Variants in TOP1MT observed in about 807,000 individuals in gnomAD.
TOP1MT encodes the protein DNA topoisomerase I, mitochondrial.
TOP1MT carries 80 observed loss-of-function variants against 73.9 expected under a neutral mutation model. The ratio of observed to expected loss-of-function variants is 1.08; its 90% confidence interval spans 0.90 to 1.30. TOP1MT has a LOEUF of 1.30. Among genes scored for constraint, TOP1MT ranks in the 50% most tolerant of loss-of-function variants. The probability of loss-of-function intolerance (pLI) is 0.00; values close to 1 mark genes in which losing one functional copy is unlikely to be tolerated. For synonymous variants in TOP1MT, 338 were observed against 326.4 expected, an observed-to-expected ratio of 1.04 and a Z score of -0.38; for missense variants, 815 against 808.0, an observed-to-expected ratio of 1.01 and a Z score of -0.10.
upstream of TOP1MT, among the ~76,000 whole-genome samples, chr8:143,357,268 G>A (rs1817427632): frequency 6.6e-6 from 1 of 151,462 alleles, no homozygotes; most frequent in Non-Finnish European, 1.5e-5. Context: ...AGAAGAATTA[G>A]CCAGCACAAT....
chr8:143,317,475 A>C (rs1816200359), intron 10 of TOP1MT, among the ~76,000 whole-genome samples: 1 of 152,218 alleles, frequency 6.6e-6, no homozygotes, highest in Non-Finnish European at 1.5e-5. Flanking sequence ...AGTAGGGCTC[A>C]GCAGTAGGGG....
intron 10 of TOP1MT, among the ~76,000 whole-genome samples, chr8:143,317,088 C>T (rs1192843924): frequency 2.0e-5 from 3 of 152,366 alleles, no homozygotes; most frequent in South Asian, 2.1e-4. Context: ...CACCCAGCCT[C>T]GGCGCCTCCT....
chr8:143,339,438 C>T (rs982215060), upstream of TOP1MT, among the ~76,000 whole-genome samples: 17 of 152,110 alleles, frequency 1.1e-4, no homozygotes, highest in Admixed American at 3.3e-4. Context: ...GACCTTGGCC[C>T]GGTTACTTAA....
At chr8:143,321,926 T>TGCACGCCACACACGCACGCCACACAC (rs1172248485) in intron 7 of TOP1MT, among the ~76,000 whole-genome samples, 1 of 8,096 alleles carries the variant, frequency 1.2e-4, no homozygotes. Flanking sequence ...GCCACACACA[T>TGCACGCCACACACGCACGCCACACAC]GCACGCCACA....
intron 7 of TOP1MT, among the ~76,000 whole-genome samples, chr8:143,321,969 C>CACG (rs1816425057): frequency 2.6e-5 from 2 of 77,982 alleles, no homozygotes; most frequent in Non-Finnish European, 5.7e-5. Context: ...CACACACATG[C>CACG]TCACCACACG....
chr8:143,326,315 G>C lies in TOP1MT; in HGVS notation c.390C>G (p.Ile130Met). The C allele has an allele frequency of 2.5e-6, 4 of 1,614,024 alleles. No individual in the cohort carries two copies. Among genetic ancestry groups the C allele is most frequent in the Non-Finnish European group, 3.4e-6 (4 of 1,180,000 alleles). The change falls in exon 4 of 14, where the codon ATC becomes ATG. Residue 130 changes from isoleucine (I) to methionine (M), a missense_variant. Ile to Met is a conservative substitution (Grantham distance 10). This residue lies in a region of TOP1MT where 751 missense variants were observed against 725.4 expected (regional missense o/e 1.04). Coordinates refer to ENST00000329245, the MANE Select transcript of TOP1MT (RefSeq NM_052963.3). Reference protein sequence around the residue: ...KEMAVEEREVIKSLDKCDFTE... With the variant: ...KEMAVEEREVMKSLDKCDFTE... The stretch of plus-strand genomic sequence containing the variant: ...TGAAGTCACACTTGTCCAGGCTCTT[G>C]ATGACTTCCCTCTCTTCCACCGCCA...
At chr8:143,353,183 A>G (rs191745696) in intron 1 of TOP1MT, among the ~76,000 whole-genome samples, 2 of 152,250 alleles carry the variant, frequency 1.3e-5, no homozygotes, top group East Asian at 1.9e-4. Context: ...GAGAAGCCAA[A>G]GTGGGAGGAT....
rs202227978 is a variant in TOP1MT, at chr8:143,341,911, GTTA to G, written c.29+1306_29+1308del. 2.0e-4 allele frequency among the ~76,000 whole-genome samples: 31 copies of G among 151,382 alleles called. No homozygotes were observed. The highest frequency in any genetic ancestry group is 6.8e-3 in the Middle Eastern group (2 of 294). ...CTTATTAGCGACAGAGTCTCACTCTGTTATTATTATTATTATTGAGACAGAGTC... is the reference window on the plus strand; with the variant it reads ...CTTATTAGCGACAGAGTCTCACTCTGTTATTATTATTATTGAGACAGAGTC... On this transcript the variant is annotated intron_variant, in intron 2 of 5. Transcript: ENST00000518007. This position sits in a 1 kb window ranked among gnomAD's most constrained non-coding sequence, Gnocchi z 4.1.
chr8:143,356,953 G>A (rs1436780888), upstream of TOP1MT, among the ~76,000 whole-genome samples: 4 of 151,442 alleles, frequency 2.6e-5, no homozygotes, highest in Admixed American at 6.6e-5. Flanking sequence ...AATTAGATGG[G>A]TGTGGTGGCG....
upstream of TOP1MT, among the ~76,000 whole-genome samples, chr8:143,356,912 T>A (rs1236086061): frequency 6.8e-6 from 1 of 147,000 alleles, no homozygotes; most frequent in Non-Finnish European, 1.5e-5. Flanking sequence ...GCTAACACAG[T>A]GAAACTCCAT....
At chr8:143,338,128 T>C (rs1395752259), upstream of TOP1MT, among the ~76,000 whole-genome samples, 3 of 152,176 alleles carry the variant, frequency 2.0e-5, no homozygotes, top group Non-Finnish European at 4.4e-5. Flanking sequence ...AGAGGTTTTG[T>C]CTGCAACGTG....
At chr8:143,345,235 A>C (rs1385426864), upstream of TOP1MT, among the ~76,000 whole-genome samples, 1 of 152,208 alleles carries the variant, frequency 6.6e-6, no homozygotes, top group Non-Finnish European at 1.5e-5. Flanking sequence ...GCTTACCCTC[A>C]CTGGGCAGAG....
chr8:143,343,005 C>A (rs1245255629), intron 2 of TOP1MT, among the ~76,000 whole-genome samples: 1 of 152,068 alleles, frequency 6.6e-6, no homozygotes, highest in Non-Finnish European at 1.5e-5. Flanking sequence ...AGGTGACCCA[C>A]CCACCTCCGC....
At chr8:143,329,515 G>A in intron 2 of TOP1MT, 44 bp from the exon 3 acceptor site, 1 of 1,586,300 alleles carries the variant, frequency 6.3e-7, no homozygotes, top group Non-Finnish European at 8.5e-7. Context: ...GCGGCCAGAG[G>A]CTCGGCCTCC....
chr8:143,309,661 T>C, intron 13 of TOP1MT, 118 bp from the exon 14 acceptor site: 1 of 1,537,914 alleles, frequency 6.5e-7, no homozygotes. Context: ...AGCCGCCTGG[T>C]GTAGCTGGGA....
At chr8:143,342,734 A>G (rs1817144145) in intron 2 of TOP1MT, among the ~76,000 whole-genome samples, 1 of 93,570 alleles carries the variant, frequency 1.1e-5, no homozygotes, top group Non-Finnish European at 2.5e-5. Context: ...TATTAGAGAC[A>G]GAGTCTCGCT....
At chr8:143,334,999 C>T (rs556784375), upstream of TOP1MT, 34 of 927,028 alleles carry the variant, frequency 3.7e-5, no homozygotes, top group Non-Finnish European at 4.3e-5. Flanking sequence ...GCGGTCTAAG[C>T]CTGCACGGGG....
intron 1 of TOP1MT, among the ~76,000 whole-genome samples, chr8:143,334,491 G>A (rs1198066393): frequency 1.3e-5 from 2 of 152,246 alleles, no homozygotes; most frequent in African/African-American, 2.4e-5. Flanking sequence ...GAAAAAAAGA[G>A]GGGAGATTTC....
At chr8:143,351,043 C>T (rs531964612) in intron 1 of TOP1MT, among the ~76,000 whole-genome samples, 7 of 152,270 alleles carry the variant, frequency 4.6e-5, no homozygotes, top group Non-Finnish European at 5.9e-5. Flanking sequence ...CCTTCATCAT[C>T]GGGTCAAATT....
Sources: allele counts gnomAD v4.1 joint callset (sites outside exome capture counted in the v4.1 genomes callset), GRCh38; gene constraint gnomAD v4.1.1; regional missense constraint gnomAD v4.1.1; non-coding constraint Gnocchi (gnomAD v3.1); transcripts MANE v1.5; gene names NCBI Gene and HGNC (gene_info 2026-07-23, HGNC 2026-07-21).